CLIP2: variants seen among roughly 807,000 people sequenced by gnomAD.
CLIP2 encodes CAP-Gly domain containing linker protein 2, also known as CAP-Gly domain-containing linker protein 2.
A neutral mutation model predicts 111.7 loss-of-function variants in CLIP2; 41 were observed. The ratio of observed to expected loss-of-function variants is 0.37; its 90% CI spans 0.29 to 0.48. CLIP2 has a LOEUF of 0.48. Among genes scored for constraint, CLIP2 ranks in the 20% least tolerant of loss-of-function variants. The pLI, the probability that CLIP2 is intolerant of heterozygous loss-of-function variation, is 0.99. For synonymous variants in CLIP2, 660 were observed against 644.2 expected (o/e 1.02, Z -0.37); for missense variants, 1,160 against 1,422.1 (o/e 0.82, Z 2.96).
In CLIP2 at chr7:74,356,511, A is replaced by C; in HGVS notation, c.905A>C (p.Lys302Thr). 2 of 1,614,172 alleles carry C rather than the reference A, an allele frequency of 1.2e-6. No individual in the cohort carries two copies. Among genetic ancestry groups the C allele is most frequent in the Non-Finnish European group, 1.7e-6 (2 of 1,180,036 alleles). Reference protein sequence around the residue: ...STSPAKAKKTKRMAMGVSALT... With the variant: ...STSPAKAKKTTRMAMGVSALT... ...AGCCCAGCCAAGGCCAAGAAGACCA[A>C]GCGTATGGCCATGGGTGTGTCAGCA... The change falls in exon 5 of 17, where the codon AAG (lysine) becomes ACG (threonine). Residue 302 changes from lysine to threonine, a missense_variant. Physicochemically the swap from Lys to Thr is moderately conservative, Grantham distance 78. Transcript: ENST00000223398.
At chr7:74,380,968 T>C in intron 11 of CLIP2, 105 bp downstream of exon 11, 2 of 1,103,602 alleles carry the variant, frequency 1.8e-6, no homozygotes, top group Non-Finnish European at 2.8e-6. Flanking sequence ...TGCCATTTGG[T>C]AAGAGTCACC....
chr7:74,376,431 T>A lies in CLIP2; in HGVS notation c.2030T>A (p.Met677Lys), dbSNP rs782466431. ...GCCAAGCATGACCTGGAGACCGCCA[T>A]GCACGTGAAGGAGAAGGAGGCCCTG... ...LQAKHDLETA[M>K]HVKEKEALRE... is the part of the protein sequence containing the mutation. Residue 677 changes from methionine to lysine, a missense_variant, in exon 10 of 17, where the codon ATG becomes AAG. This residue lies in a region of CLIP2 where 676 missense variants were observed against 777.8 expected (regional missense o/e 0.87). Transcript: ENST00000223398. The surrounding 1 kb of genome is among the most constrained non-coding windows in gnomAD (Gnocchi z 7.1). 6.2e-7 allele frequency: 1 copy of A among 1,613,788 alleles called. No homozygotes were observed.
rs1554726020 is a variant in CLIP2, at chr7:74,295,883, G to GCTGA, written c.-68+6149_-68+6150insCTGA. 5.3e-5 allele frequency among the ~76,000 whole-genome samples: 8 copies of GCTGA among 151,268 alleles called. No homozygotes were observed. The East Asian group carries it at 1.6e-3, about 30-fold the overall frequency. On this transcript the variant is annotated intron_variant, in intron 1 of 16. Coordinates refer to ENST00000223398, the MANE Select transcript of CLIP2 (RefSeq NM_003388.5). ...AGCTGGGTGTGGTCCCAGCTACTCTGGATGCTGAGGCAGGAGGATCTCTTG... is the reference window on the plus strand; with the variant it reads ...AGCTGGGTGTGGTCCCAGCTACTCTGCTGAGATGCTGAGGCAGGAGGATCTCTTG...
chr7:74,312,510 G>C (rs1437268537), intron 1 of CLIP2, among the ~76,000 whole-genome samples: 1 of 152,180 alleles, frequency 6.6e-6, no homozygotes, highest in Non-Finnish European at 1.5e-5. Flanking sequence ...TGTCACCAGA[G>C]ACCATCCCCA....
chr7:74,331,592 G>C (rs1210871715), intron 2 of CLIP2, among the ~76,000 whole-genome samples: 17 of 106,968 alleles, frequency 1.6e-4, no homozygotes, highest in African/African-American at 5.6e-4. Flanking sequence ...TTTTGAGACA[G>C]AGTCTCACTC....
rs932508653 is a variant in CLIP2 at position 74,383,497 on chromosome 7, T to C, written c.2479+2634T>C. On this transcript the variant is annotated intron_variant, in intron 11 of 16. Transcript: ENST00000223398. ...GTTCTTCTCTGCTTTATCAAAATTC[T>C]CTTGGCTATTGTTTAAAAACTAAGC... is the stretch of plus-strand genomic sequence containing the variant. Among the ~76,000 whole-genome samples the C allele has an allele frequency of 3.9e-5, 6 of 152,238 alleles. No individual in the cohort carries two copies. The East Asian group carries it at 1.2e-3, about 29-fold the overall frequency.
chr7:74,376,839 C>G lies in CLIP2; in HGVS notation c.2421+17C>G. 3 of 1,547,798 alleles carry G rather than the reference C, an allele frequency of 1.9e-6. No individual in the cohort carries two copies. Among genetic ancestry groups the G allele is most frequent in the Non-Finnish European group, 2.6e-6 (3 of 1,147,686 alleles). ...CACACCCACGTAGGCGCCTGCCCCT[C>G]CTGCTGGGGCGGGAGGGTCGGGCTG... On this transcript the variant is annotated intron_variant, in intron 10 of 16. Transcript: ENST00000223398. The surrounding 1 kb of genome is among the most constrained non-coding windows in gnomAD (Gnocchi z 7.1).
chr7:74,327,572 A>G (rs1375727865), intron 2 of CLIP2, among the ~76,000 whole-genome samples: 2 of 152,150 alleles, frequency 1.3e-5, no homozygotes, highest in African/African-American at 4.8e-5. Flanking sequence ...CCAGGAGAGC[A>G]GGTAGGATTG....
chr7:74,326,989 G>C (rs1191031587), intron 2 of CLIP2, among the ~76,000 whole-genome samples: 1 of 151,824 alleles, frequency 6.6e-6, no homozygotes, highest in South Asian at 2.1e-4. Flanking sequence ...GGAGTGCAGC[G>C]GCACGATCTC....
intron 10 of CLIP2, among the ~76,000 whole-genome samples, chr7:74,379,141 T>A (rs1172301513): frequency 6.6e-6 from 1 of 152,104 alleles, no homozygotes; most frequent in Non-Finnish European, 1.5e-5. Flanking sequence ...CAGGTGCCCT[T>A]GGACCAAGAA....
intron 8 of CLIP2, 101 bp downstream of exon 8, chr7:74,364,416 C>A: frequency 9.8e-7 from 1 of 1,022,126 alleles, no homozygotes; most frequent in Non-Finnish European, 1.5e-6. Context: ...TAGGCCCCCC[C>A]GGGGAAGGGG....
chr7:74,339,105 G>A (rs950022789), intron 3 of CLIP2, 101 bp downstream of exon 3: 1 of 1,128,690 alleles, frequency 8.9e-7, no homozygotes, highest in East Asian at 2.5e-5. Flanking sequence ...GCAGGGTGGG[G>A]ACTCGAAGGG....
At chr7:74,321,079 C>G (rs185420795) in intron 2 of CLIP2, among the ~76,000 whole-genome samples, 1 of 152,122 alleles carries the variant, frequency 6.6e-6, no homozygotes, top group Admixed American at 6.6e-5. Flanking sequence ...CTGTGTGACC[C>G]TGGGAGAGTG....
Position 74,323,931 on chromosome 7 carries a change from G to A in CLIP2, c.121+6264G>A, listed in dbSNP as rs144881709. 5.0e-3 allele frequency among the ~76,000 whole-genome samples: 756 copies of A among 152,312 alleles called. 8 individuals carry two copies. Among genetic ancestry groups the A allele is most frequent in the African/African-American group, 0.018 (731 of 41,586 alleles). ...GCATTTCTCAGATGGTATCCCCGTC[G>A]TTAAGTGATGCATGACTGTATTTCC... On this transcript the variant is annotated intron_variant, in intron 2 of 16. Coordinates refer to ENST00000223398, the MANE Select transcript of CLIP2 (RefSeq NM_003388.5).
intron 8 of CLIP2, 27 bp from the exon 9 acceptor site, chr7:74,372,905 C>G: frequency 8.1e-7 from 1 of 1,228,850 alleles, no homozygotes; most frequent in Non-Finnish European, 1.2e-6. Flanking sequence ...CCCCACCCCC[C>G]CACCGTGTCC....
At chr7:74,403,361 G>A (rs1562735640) in intron 16 of CLIP2, among the ~76,000 whole-genome samples, 1 of 152,030 alleles carries the variant, frequency 6.6e-6, no homozygotes, top group African/African-American at 2.4e-5. Flanking sequence ...ATGAGGTCAG[G>A]AGATCAAGAC....
chr7:74,338,867 A>T lies in CLIP2; in HGVS notation c.541A>T (p.Thr181Ser). 1 of 1,608,310 alleles carries T rather than the reference A, an allele frequency of 6.2e-7. No individual in the cohort carries two copies. Among genetic ancestry groups the T allele is most frequent in the Non-Finnish European group, 8.5e-7 (1 of 1,179,912 alleles). The change falls in exon 3 of 17, where the codon ACC (threonine) becomes TCC (serine). Residue 181 changes from threonine to serine, a missense_variant. Physicochemically the swap from Thr to Ser is moderately conservative, Grantham distance 58. Coordinates refer to ENST00000223398, the MANE Select transcript of CLIP2 (RefSeq NM_003388.5). The surrounding 1 kb of genome is among the most constrained non-coding windows in gnomAD (Gnocchi z 4.3). ...TTCGGGCACGGCCACGCCCCCGCTGACCAGCCGCGTCATCCCCCTGCGGGA... is the reference window on the plus strand; with the variant it reads ...TTCGGGCACGGCCACGCCCCCGCTGTCCAGCCGCGTCATCCCCCTGCGGGA... ...LHSGTATPPL[T>S]SRVIPLRESV...
intron 4 of CLIP2, among the ~76,000 whole-genome samples, chr7:74,355,007 G>A (rs1402043207): frequency 6.6e-6 from 1 of 152,280 alleles, no homozygotes; most frequent in East Asian, 1.9e-4. Flanking sequence ...GCTTATGGTA[G>A]GTGGGGGAGT....
At chr7:74,317,387 C>A in intron 1 of CLIP2, 93 bp from the exon 2 acceptor site, 1 of 868,014 alleles carries the variant, frequency 1.2e-6, no homozygotes, top group East Asian at 3.2e-5. Context: ...TCGTCCAGCC[C>A]ACCTCAGGAG....
Sources: allele counts gnomAD v4.1 joint callset (sites outside exome capture counted in the v4.1 genomes callset), GRCh38; gene constraint gnomAD v4.1.1; regional missense constraint gnomAD v4.1.1; non-coding constraint Gnocchi (gnomAD v3.1); transcripts MANE v1.5; gene names NCBI Gene and HGNC (gene_info 2026-07-23, HGNC 2026-07-21).